Variants in TMEM43 observed in about 807,000 individuals in gnomAD.
TMEM43 encodes the protein transmembrane protein 43, also known as arrhythmogenic right ventricular dysplasia 5.
A neutral mutation model predicts 49.6 loss-of-function variants in TMEM43; 45 were observed. That is an observed-to-expected ratio of 0.91 (90% CI 0.71 to 1.16). The LOEUF is 1.16. Among genes scored for constraint, TMEM43 ranks in the 50% most tolerant of loss-of-function variants. The pLI is 0.00. For missense variants in TMEM43, 532 were observed against 516.6 expected (o/e 1.03, Z -0.29); for synonymous variants, 199 against 207.8 (o/e 0.96, Z 0.36).
At chr3:14,141,195 G>A (rs1239848676) in intron 11 of TMEM43, among the ~76,000 whole-genome samples, 2 of 152,208 alleles carry the variant, frequency 1.3e-5, no homozygotes, top group East Asian at 3.8e-4. Flanking sequence ...ATGGCTGAGA[G>A]GCCCAAATAG....
intron 2 of TMEM43, 96 bp downstream of exon 2, chr3:14,129,657 G>T (rs1695067180): frequency 4.4e-6 from 6 of 1,371,110 alleles, no homozygotes; most frequent in Non-Finnish European, 6.2e-6. Context: ...GTAATCAAGG[G>T]CCTAGATTTT....
At chr3:14,136,914 C>T in intron 10 of TMEM43, among the ~76,000 whole-genome samples, 1 of 149,288 alleles carries the variant, frequency 6.7e-6, no homozygotes, top group South Asian at 2.1e-4. Context: ...GGCAGGCAAT[C>T]CTTCTCTGCA....
intron 11 of TMEM43, 71 bp downstream of exon 11, chr3:14,139,368 C>G (rs1029767062): frequency 9.0e-7 from 1 of 1,106,186 alleles, no homozygotes; most frequent in African/African-American, 1.5e-5. Flanking sequence ...GTCGCATCAT[C>G]TCAGCCCTTC....
At chr3:14,134,630 G>A in intron 7 of TMEM43, 140 bp from the exon 8 acceptor site, 2 of 1,142,168 alleles carry the variant, frequency 1.8e-6, no homozygotes, top group Non-Finnish European at 2.6e-6. Context: ...GGACGAGACA[G>A]AGTCAGAAAG....
intron 7 of TMEM43, among the ~76,000 whole-genome samples, chr3:14,134,265 G>GATA (rs773865418): frequency 1.3e-5 from 2 of 152,246 alleles, no homozygotes; most frequent in Non-Finnish European, 2.9e-5. Flanking sequence ...GCTTGCAAGG[G>GATA]ATAAGGTGGC....
At chr3:14,132,807 G>A in intron 5 of TMEM43, 59 bp from the exon 6 acceptor site, 3 of 1,528,678 alleles carry the variant, frequency 2.0e-6, no homozygotes, top group Non-Finnish European at 1.8e-6. Context: ...CTGGGCTGGT[G>A]GGTCTCAGCC....
At chr3:14,140,711 G>A (rs1242060052) in intron 11 of TMEM43, among the ~76,000 whole-genome samples, 1 of 152,218 alleles carries the variant, frequency 6.6e-6, no homozygotes, top group Non-Finnish European at 1.5e-5. Context: ...TACAGGGTGG[G>A]CATGAGTGCT....
rs1355405109 is a variant in TMEM43 at position 14,139,222 on chromosome 3, T to G, written c.925T>G (p.Trp309Gly). 2 of 1,614,056 alleles carry G rather than the reference T, an allele frequency of 1.2e-6. No homozygotes were observed. The highest frequency in any genetic ancestry group is 1.7e-5 in the Admixed American group (1 of 60,010). ...ACTAAGGAGCAACTCCATGAAGACC[T>G]GGGGCCTGCGGGCAGCTGGCTGGAT... Reference protein sequence around the residue: ...RELRSNSMKTWGLRAAGWMAM... With the variant: ...RELRSNSMKTGGLRAAGWMAM... The change falls in exon 11 of 12, where the codon TGG (tryptophan) becomes GGG (glycine). Residue 309 changes from tryptophan (W) to glycine (G), a missense_variant. Coordinates refer to ENST00000306077, the MANE Select transcript of TMEM43 (RefSeq NM_024334.3).
intron 10 of TMEM43, 31 bp from the exon 11 acceptor site, chr3:14,139,149 C>A: frequency 6.5e-7 from 1 of 1,534,548 alleles, no homozygotes; most frequent in Non-Finnish European, 9.0e-7. Context: ...TGGCCCTCAG[C>A]ATCCTGACCT....
In TMEM43 at chr3:14,139,512, G is replaced by A. The variant is rs376851704; in HGVS notation, c.1000+215G>A. On this transcript the variant is annotated intron_variant, in intron 11 of 11. Transcript: ENST00000306077. ...GGAGCTGCCAGGGGCCAGGCTGGGT[G>A]GGGCCAACTCTGGGGCACTGGTCTC... 2.0e-5 allele frequency among the ~76,000 whole-genome samples: 3 copies of A among 152,256 alleles called. 1 individual carries two copies.
rs534796855 is a variant in TMEM43, at chr3:14,126,293, G to A, written c.12+1088G>A. ...GAGGTATTCGGAGAGACTCAGGCTC[G>A]GCCAGGCGAGAGGGCAGTCAGGAGA... On this transcript the variant is annotated intron_variant, in intron 1 of 11. Coordinates refer to ENST00000306077, the MANE Select transcript of TMEM43 (RefSeq NM_024334.3). Among the ~76,000 whole-genome samples, 4 of 152,268 alleles carry A rather than the reference G, an allele frequency of 2.6e-5. No homozygotes were observed. The South Asian group carries it at 8.3e-4, about 32-fold the overall frequency.
Position 14,134,832 on chromosome 3 carries a change from G to C in TMEM43, c.646G>C (p.Val216Leu), listed in dbSNP as rs143735210. 6.2e-7 allele frequency: 1 copy of C among 1,614,196 alleles called. No individual in the cohort carries two copies. Among genetic ancestry groups the C allele is most frequent in the Non-Finnish European group, 8.5e-7 (1 of 1,180,032 alleles). The change falls in exon 8 of 12, where the codon GTG (valine) becomes CTG (leucine). Residue 216 changes from valine to leucine, a missense_variant. Coordinates refer to ENST00000306077, the MANE Select transcript of TMEM43 (RefSeq NM_024334.3). Reference sequence around the variant, plus strand: ...CCTATCCAAGCTGGAGGACCCTCATGTGGACATCATTCGCCGTGGAGACTT... The same window carrying C: ...CCTATCCAAGCTGGAGGACCCTCATCTGGACATCATTCGCCGTGGAGACTT... ...LSLSKLEDPH[V>L]DIIRRGDFFY...
intron 10 of TMEM43, chr3:14,137,876 G>A (rs1352744189): frequency 6.6e-6 from 1 of 152,176 alleles, no homozygotes; most frequent in Non-Finnish European, 1.5e-5. Context: ...CCCTGCTCTT[G>A]GAAATGTAGC....
At position 14,134,777 on chromosome 3, in the gene TMEM43, C is replaced by G; in HGVS notation, c.591C>G (p.Ile197Met). The G allele has an allele frequency of 6.2e-7, 1 of 1,614,108 alleles. No individual in the cohort carries two copies. Among genetic ancestry groups the G allele is most frequent in the Non-Finnish European group, 8.5e-7 (1 of 1,179,988 alleles). ...CCACTCTGGTCCCCTCAGGCCTCAT[C>G]GACAAAGTCGACAACTTCAAGTCCC... ...IGRFFLSSGL[I>M]DKVDNFKSLS... The change falls in exon 8 of 12, where the codon ATC becomes ATG. Residue 197 changes from isoleucine (I) to methionine (M), a missense_variant. Ile to Met is a conservative substitution (Grantham distance 10, BLOSUM62 1). Transcript: ENST00000306077.
At chr3:14,140,410 CAGACTT>C (rs1695231547) in intron 11 of TMEM43, among the ~76,000 whole-genome samples, 1 of 152,082 alleles carries the variant, frequency 6.6e-6, no homozygotes, top group South Asian at 2.1e-4. Context: ...AGACTCAGGA[CAGACTT>C]AGAGTGTGGA....
chr3:14,132,863 C>G lies in TMEM43; in HGVS notation c.443-3C>G, dbSNP rs1170844374. 6.2e-7 allele frequency: 1 copy of G among 1,613,954 alleles called. No individual in the cohort carries two copies. Among genetic ancestry groups the G allele is most frequent in the Admixed American group, 1.7e-5 (1 of 60,024 alleles). ...CTCTGAGTTGATTCCTCTCCCTGAG[C>G]AGACACTGAATGGAGGTCAGAAATC... On this transcript the variant is annotated splice_polypyrimidine_tract_variant and splice_region_variant and intron_variant, in intron 5 of 11. Coordinates refer to ENST00000306077, the MANE Select transcript of TMEM43 (RefSeq NM_024334.3).
rs746126153 is a variant in TMEM43 at position 14,129,561 on chromosome 3, G to C, written c.162G>C (p.Glu54Asp). The change falls in exon 2 of 12, where the codon GAG becomes GAC. Residue 54 changes from glutamate (E) to aspartate (D), a missense_variant and splice_region_variant. Coordinates refer to ENST00000306077, the MANE Select transcript of TMEM43 (RefSeq NM_024334.3). ...LLSFYLIFTN[E>D]GRALKTATSL... The stretch of plus-strand genomic sequence containing the variant: ...CCTTCTACCTAATTTTCACCAATGA[G>C]GTAAAATGTCTGGGGTCTTCCTGTG... 1.9e-6 allele frequency: 3 copies of C among 1,614,024 alleles called. No homozygotes were observed. The highest frequency in any genetic ancestry group is 2.5e-6 in the Non-Finnish European group (3 of 1,180,002).
Position 14,142,578 on chromosome 3 carries a change from T to G in TMEM43, c.*783T>G, listed in dbSNP as rs1398876504. ...TTTAAAAACAAAACAAAAAAAACAC[T>G]TAATATTTCAGACTGTTACAGGAAA... On this transcript the variant is annotated 3_prime_UTR_variant, in exon 12 of 12. Coordinates refer to ENST00000306077, the MANE Select transcript of TMEM43 (RefSeq NM_024334.3). 1 of 152,616 alleles carries G rather than the reference T, an allele frequency of 6.6e-6. No homozygotes were observed. 9.5% of individuals were successfully genotyped at this position (152,616 alleles called of 1,614,324 possible). A position where few individuals can be genotyped will look rare whatever the true frequency, so the allele number is the denominator to read the frequency against.
intron 11 of TMEM43, 38 bp downstream of exon 11, chr3:14,139,335 C>G (rs1695219402): frequency 7.0e-7 from 1 of 1,429,086 alleles, no homozygotes; most frequent in African/African-American, 1.4e-5. Flanking sequence ...CCCTCCTGCA[C>G]CCTGAAAGGG....
Sources: allele counts gnomAD v4.1 joint callset (sites outside exome capture counted in the v4.1 genomes callset), GRCh38; gene constraint gnomAD v4.1.1; transcripts MANE v1.5; gene names NCBI Gene and HGNC (gene_info 2026-07-23, HGNC 2026-07-21).